Variants in KCNIP2 observed in about 807,000 individuals in gnomAD.
The protein encoded by KCNIP2 is A-type potassium channel modulatory protein KCNIP2.
Under a neutral mutation model 39.0 loss-of-function variants are expected in KCNIP2, and 19 were observed. The observed-to-expected ratio is 0.49, with a 90% CI of 0.34 to 0.71. The LOEUF is 0.71. KCNIP2 is among the 30% of genes least tolerant of loss of function. KCNIP2 has a pLI of 0.01. For missense variants in KCNIP2, 261 were observed against 346.0 expected (o/e 0.75, Z 1.95); for synonymous variants, 111 against 131.2 (o/e 0.85, Z 1.05).
chr10:101,834,197 C>T (rs1166090754), intron 1 of KCNIP2: 1 of 398,882 alleles, frequency 2.5e-6, no homozygotes, highest in Non-Finnish European at 4.4e-6. Flanking sequence ...CAGACAAACA[C>T]CCTCCCTAGT....
chr10:101,836,274 CTTTT>C (rs976487755), intron 1 of KCNIP2, among the ~76,000 whole-genome samples: 1 of 124,658 alleles, frequency 8.0e-6, no homozygotes, highest in Admixed American at 8.3e-5. Flanking sequence ...TTTTTTTTCT[CTTTT>C]TTTTTTTTTT....
At chr10:101,831,511 T>C (rs996679274) in intron 1 of KCNIP2, among the ~76,000 whole-genome samples, 1 of 152,046 alleles carries the variant, frequency 6.6e-6, no homozygotes, top group Non-Finnish European at 1.5e-5. Flanking sequence ...ATTGCCTGGG[T>C]AAGAACACCT....
intron 3 of KCNIP2, 123 bp from the exon 4 acceptor site, chr10:101,829,322 A>G (rs2065874052): frequency 7.8e-7 from 1 of 1,282,136 alleles, no homozygotes; most frequent in Non-Finnish European, 1.0e-6. Flanking sequence ...CCAGGCTGCC[A>G]GTTCCCTGGG....
rs973194727 is a variant in KCNIP2, at chr10:101,826,455, G to T, written c.*898C>A. 2.0e-5 allele frequency: 3 copies of T among 152,472 alleles called. No individual in the cohort carries two copies. Among genetic ancestry groups the T allele is most frequent in the African/African-American group, 7.2e-5 (3 of 41,442 alleles). 9.4% of individuals were successfully genotyped at this position (152,472 alleles called of 1,614,324 possible). On this transcript the variant is annotated 3_prime_UTR_variant, in exon 10 of 10. Transcript: ENST00000356640. The stretch of plus-strand genomic sequence containing the variant: ...TTCAGGAAGGTCCCAAGTCTATAGA[G>T]AACATGGGAAACAAAAACTCAAGTC...
At chr10:101,836,274 C>CTTTTTTTT (rs976487755) in intron 1 of KCNIP2, among the ~76,000 whole-genome samples, 1 of 124,660 alleles carries the variant, frequency 8.0e-6, no homozygotes, top group Non-Finnish European at 1.7e-5. Context: ...TTTTTTTTCT[C>CTTTTTTTT]TTTTTTTTTT....
At chr10:101,834,324 C>T (rs1300637145) in intron 1 of KCNIP2, 1 of 399,338 alleles carries the variant, frequency 2.5e-6, no homozygotes. Context: ...ACAAACAGAG[C>T]GAGGACCACG....
chr10:101,830,450 C>T (rs1228468194), intron 2 of KCNIP2: 7 of 1,289,170 alleles, frequency 5.4e-6, no homozygotes, highest in Admixed American at 2.4e-5. Context: ...CAGACCCTCA[C>T]GGCCGCCTGG....
chr10:101,841,943 A>C (rs188354195), intron 1 of KCNIP2, among the ~76,000 whole-genome samples: 405 of 152,356 alleles, frequency 2.7e-3, no homozygotes, highest in African/African-American at 9.1e-3. Flanking sequence ...TTTGGATTCC[A>C]TCCAGCTCTG....
chr10:101,827,489 C>CG, intron 9 of KCNIP2, 89 bp from the exon 10 acceptor site: 1 of 1,434,316 alleles, frequency 7.0e-7, no homozygotes, highest in East Asian at 2.3e-5. Context: ...GAGTCACAGA[C>CG]GGGGACATTC....
chr10:101,834,563 CGCCTCTTCCTCTTCGCAGGGCCACCTCA>C (rs1564669017), intron 1 of KCNIP2, among the ~76,000 whole-genome samples: 1 of 152,232 alleles, frequency 6.6e-6, no homozygotes, highest in African/African-American at 2.4e-5. Flanking sequence ...CCACAGCCGC[CGCCTCTTCCTCTTCGCAGGGCCACCTCA>C]GCCTTTGGAC....
Position 101,828,767 on chromosome 10 carries a change from G to A in KCNIP2, c.349-71C>T, listed in dbSNP as rs773833417. ...TCCGTTCACCGCCCCCACCCTCCAT[G>A]GCCCAAGACTCCCAGGGAGGGGGAT... On this transcript the variant is annotated intron_variant, in intron 4 of 9. Transcript: ENST00000356640. This position sits in a 1 kb window ranked among gnomAD's most constrained non-coding sequence, Gnocchi z 6.6. 6.2e-7 allele frequency: 1 copy of A among 1,612,682 alleles called. No individual in the cohort carries two copies. The highest frequency in any genetic ancestry group is 8.5e-7 in the Non-Finnish European group (1 of 1,179,186).
chr10:101,828,399 A>T lies in KCNIP2; in HGVS notation c.479T>A (p.Val160Asp). The change falls in exon 6 of 10, where the codon GTC becomes GAC. Residue 160 changes from valine (V) to aspartate (D), a missense_variant. By Grantham distance (152) the Val-to-Asp change is radical (BLOSUM62 -3). Transcript: ENST00000356640. This position sits in a 1 kb window ranked among gnomAD's most constrained non-coding sequence, Gnocchi z 6.6. Reference protein sequence around the residue: ...NAFDTNHDGSVSFEDFVAGLS... With the variant: ...NAFDTNHDGSDSFEDFVAGLS... ...CCTCGCCCAGCTCACCTCAAAACTG[A>T]CCGAGCCATCATGGTTGGTGTCAAA... The T allele has an allele frequency of 6.2e-7, 1 of 1,614,034 alleles. No individual in the cohort carries two copies. Among genetic ancestry groups the T allele is most frequent in the Non-Finnish European group, 8.5e-7 (1 of 1,180,008 alleles).
chr10:101,831,646 TCA>T (rs534306919), intron 1 of KCNIP2, among the ~76,000 whole-genome samples: 4 of 151,228 alleles, frequency 2.6e-5, no homozygotes, highest in South Asian at 2.1e-4. Flanking sequence ...ATATGCATGC[TCA>T]CACACACACA....
At position 101,839,950 on chromosome 10, in the gene KCNIP2, G is replaced by T; in HGVS notation, c.73+3546C>A. On this transcript the variant is annotated intron_variant, in intron 1 of 9. Transcript: ENST00000356640. ...TGGGCGGCGCGGGAGGGCCGGCCCG[G>T]CAGGCATAGGATCGAAACCCTGGAG... The T allele has an allele frequency of 9.8e-6, 10 of 1,024,350 alleles. No homozygotes were observed. The South Asian group carries it at 1.6e-4, about 17-fold the overall frequency. The allele number at this position is 1,024,350 out of a possible 1,614,324, so 63.5% of individuals were successfully genotyped here.
chr10:101,829,866 G>A lies in KCNIP2; in HGVS notation c.201C>T (p.His67=). 1 of 1,498,654 alleles carries A rather than the reference G, an allele frequency of 6.7e-7. No individual in the cohort carries two copies. 92.8% of individuals were successfully genotyped at this position (1,498,654 alleles called of 1,614,324 possible). A position where few individuals can be genotyped will look rare whatever the true frequency, so the allele number is the denominator to read the frequency against. Reference sequence around the variant, plus strand: ...CACCTGGGTCCAGCAGGCGGGGTCTGTGGGGGCGGAGGGAGGCTGGGGCGG... The same window carrying A: ...CACCTGGGTCCAGCAGGCGGGGTCTATGGGGGCGGAGGGAGGCTGGGGCGG... The part of the protein sequence containing the change: ...TLAAPASLRP[H]RPRLLDPDSV... The change falls in exon 3 of 10, where the codon CAC becomes CAT. Residue 67 remains histidine, a synonymous_variant. Transcript: ENST00000356640.
rs1420530216 is a variant in KCNIP2 at position 101,828,596 on chromosome 10, A to G, written c.418+31T>C. 1.2e-6 allele frequency: 2 copies of G among 1,609,872 alleles called. No individual in the cohort carries two copies. The highest frequency in any genetic ancestry group is 1.7e-6 in the Non-Finnish European group (2 of 1,176,426). ...TCCCTCCCTCAGCCTAGAGAAGGAC[A>G]ACTGCTTCCCCTTGGGCCTTGTCCC... On this transcript the variant is annotated intron_variant, in intron 5 of 9. Coordinates refer to ENST00000356640, the MANE Select transcript of KCNIP2 (RefSeq NM_173191.3). This position sits in a 1 kb window ranked among gnomAD's most constrained non-coding sequence, Gnocchi z 6.6.
chr10:101,842,070 C>T (rs747605431), intron 1 of KCNIP2, among the ~76,000 whole-genome samples: 2 of 152,200 alleles, frequency 1.3e-5, no homozygotes, highest in Non-Finnish European at 2.9e-5. Context: ...CTCAAGGCAC[C>T]TCATCCTAGT....
chr10:101,836,345 G>A (rs547936753), intron 1 of KCNIP2, among the ~76,000 whole-genome samples: 2 of 147,032 alleles, frequency 1.4e-5, no homozygotes, highest in Admixed American at 6.9e-5. Context: ...TGGCGCTAGC[G>A]ATTCTCGTGC....
rs2135137214 is a variant in KCNIP2 at position 101,828,921 on chromosome 10, C to T, written c.348+154G>A. 6.7e-7 allele frequency: 1 copy of T among 1,500,970 alleles called. No individual in the cohort carries two copies. The highest frequency in any genetic ancestry group is 8.9e-7 in the Non-Finnish European group (1 of 1,117,930). 93.0% of individuals were successfully genotyped at this position (1,500,970 alleles called of 1,614,324 possible). On this transcript the variant is annotated intron_variant, in intron 4 of 9. Coordinates refer to ENST00000356640, the MANE Select transcript of KCNIP2 (RefSeq NM_173191.3). This position sits in a 1 kb window ranked among gnomAD's most constrained non-coding sequence, Gnocchi z 6.6. ...ACAGGCGCCACTTCCGTTCTGGCCC[C>T]GCCCCAGAACCTCCAGCTAGAAGTT...
Sources: gnomAD v4.1 joint callset for allele counts (sites outside exome capture counted in the v4.1 genomes callset) on GRCh38, gnomAD v4.1.1 for gene constraint, Gnocchi (gnomAD v3.1) non-coding constraint, MANE v1.5 for transcripts, NCBI Gene and HGNC (gene_info 2026-07-23, HGNC 2026-07-21) for gene names.